Variants in COL2A1 observed in about 807,000 individuals in gnomAD.
COL2A1 encodes collagen type II alpha 1 chain, also known as collagen alpha-1(II) chain.
Under a neutral mutation model 204.5 loss-of-function variants are expected in COL2A1, and 28 were observed. The ratio of observed to expected loss-of-function variants is 0.14; its 90% CI spans 0.10 to 0.19. COL2A1 has a LOEUF of 0.19. COL2A1 is among the 10% of genes least tolerant of loss of function. The pLI, the probability that COL2A1 is intolerant of heterozygous loss-of-function variation, is 1.00. For missense variants in COL2A1, 1,388 were observed against 2,027.5 expected, an observed-to-expected ratio of 0.68 and a Z score of 6.06; for synonymous variants, 708 against 718.7, an observed-to-expected ratio of 0.99 and a Z score of 0.24.
Position 47,976,195 on chromosome 12 carries a change from A to G in COL2A1, c.3490-125T>C. The G allele has an allele frequency of 1.3e-6, 1 of 779,100 alleles. No homozygotes were observed. Among genetic ancestry groups the G allele is most frequent in the Non-Finnish European group, 2.3e-6 (1 of 432,234 alleles). The allele number at this position is 779,100 out of a possible 1,614,324, so 48.3% of individuals were successfully genotyped here. A position where few individuals can be genotyped will look rare whatever the true frequency, so the allele number is the denominator to read the frequency against. ...TCCGCCCCCAGTTCTTCACATGCTC[A>G]GTCATGGAACCCTAAGTTGGTCTCT... On this transcript the variant is annotated intron_variant, in intron 49 of 53. Transcript: ENST00000380518. This position sits in a 1 kb window ranked among gnomAD's most constrained non-coding sequence, Gnocchi z 4.3.
chr12:47,986,536 CTG>C, intron 22 of COL2A1, 93 bp from the exon 23 acceptor site: 1 of 766,958 alleles, frequency 1.3e-6, no homozygotes, highest in Non-Finnish European at 2.2e-6. Flanking sequence ...GCCTTGGCAA[CTG>C]TTTCAGGGCT....
Position 47,976,750 on chromosome 12 carries a change from G to A in COL2A1, c.3435+62C>T. On this transcript the variant is annotated intron_variant, in intron 48 of 53. Transcript: ENST00000380518. This position sits in a 1 kb window ranked among gnomAD's most constrained non-coding sequence, Gnocchi z 4.3. ...CCAAGCTGTCCTGGCAGCACAGGGAGCTCAAGTGGGCTCTGTGTGGCAGGA... is the reference window on the plus strand; with the variant it reads ...CCAAGCTGTCCTGGCAGCACAGGGAACTCAAGTGGGCTCTGTGTGGCAGGA... 1 of 1,491,944 alleles carries A rather than the reference G, an allele frequency of 6.7e-7. No individual in the cohort carries two copies. The highest frequency in any genetic ancestry group is 2.3e-5 in the East Asian group (1 of 43,226). The allele number at this position is 1,491,944 out of a possible 1,614,324, so 92.4% of individuals were successfully genotyped here. A position where few individuals can be genotyped will look rare whatever the true frequency, so the allele number is the denominator to read the frequency against.
At chr12:47,989,170 G>T (rs772526440) in intron 18 of COL2A1, 58 bp downstream of exon 18, 10 of 1,447,662 alleles carry the variant, frequency 6.9e-6, no homozygotes, top group East Asian at 2.3e-5. Flanking sequence ...CAAGGGTTAC[G>T]GGGAAAGGAC....
Position 47,980,541 on chromosome 12 carries a change from C to T in COL2A1, c.2625+13G>A, listed in dbSNP as rs757966388. The T allele has an allele frequency of 2.1e-5, 33 of 1,589,066 alleles. No individual in the cohort carries two copies. Among genetic ancestry groups the T allele is most frequent in the Non-Finnish European group, 2.8e-5 (33 of 1,165,736 alleles). ...CCTTGAGGGAACAATTCTTGGAGTG[C>T]AGCGTTACCCACCTGAGGCCCAGGT... On this transcript the variant is annotated intron_variant, in intron 39 of 53. Coordinates refer to ENST00000380518, the MANE Select transcript of COL2A1 (RefSeq NM_001844.5). The surrounding 1 kb of genome is among the most constrained non-coding windows in gnomAD (Gnocchi z 4.5).
In COL2A1 at chr12:47,998,205, A is replaced by G; in HGVS notation, c.310-4T>C. ...CTCCAGGTTCTCCTTTCTGTCCCTGAAACATGAAACATTCACAGGATTAAG... is the reference window on the plus strand; with the variant it reads ...CTCCAGGTTCTCCTTTCTGTCCCTGGAACATGAAACATTCACAGGATTAAG... On this transcript the variant is annotated splice_region_variant and splice_polypyrimidine_tract_variant and intron_variant, in intron 3 of 53. Transcript: ENST00000380518. The G allele has an allele frequency of 1.2e-6, 2 of 1,614,138 alleles. No homozygotes were observed. The highest frequency in any genetic ancestry group is 1.7e-6 in the Non-Finnish European group (2 of 1,180,018).
At chr12:47,992,721 A>G (rs926229183) in intron 16 of COL2A1, among the ~76,000 whole-genome samples, 157 bp downstream of exon 16, 58 of 152,310 alleles carry the variant, frequency 3.8e-4, no homozygotes, top group African/African-American at 1.3e-3. Context: ...GTGCAGACTC[A>G]GCCTGGGAAG....
At chr12:47,997,765 G>A (rs1022015748) in intron 6 of COL2A1, 58 bp from the exon 7 acceptor site, 4 of 1,612,782 alleles carry the variant, frequency 2.5e-6, no homozygotes, top group African/African-American at 1.3e-5. Flanking sequence ...AGAGCCATCT[G>A]TCCCTTGGCT....
intron 41 of COL2A1, among the ~76,000 whole-genome samples, chr12:47,979,136 G>A (rs1197044541): frequency 6.6e-6 from 1 of 152,094 alleles, no homozygotes; most frequent in Non-Finnish European, 1.5e-5. Flanking sequence ...GGTGAACCCA[G>A]TGAGTTCATC....
chr12:48,003,819 C>A (rs1018771366), intron 1 of COL2A1, among the ~76,000 whole-genome samples: 1 of 152,224 alleles, frequency 6.6e-6, no homozygotes, highest in Admixed American at 6.5e-5. Flanking sequence ...CTCTCTCTTT[C>A]CTACTTCACC....
At chr12:47,999,823 C>T (rs1298705535) in intron 2 of COL2A1, 96 bp downstream of exon 2, 2 of 1,112,284 alleles carry the variant, frequency 1.8e-6, no homozygotes, top group Non-Finnish European at 2.7e-6. Flanking sequence ...TAACTAGCCC[C>T]TCTGCTTTGC....
chr12:48,004,393 C>G lies in COL2A1; in HGVS notation c.-72G>C, dbSNP rs1014038869. On this transcript the variant is annotated 5_prime_UTR_variant, in exon 1 of 54. Coordinates refer to ENST00000380518, the MANE Select transcript of COL2A1 (RefSeq NM_001844.5). ...GAAACGGCAGGAGCACGGCGCGGGT[C>G]CGGGTCTCTACCGCGCCCTCATGCA... 3 of 924,986 alleles carry G rather than the reference C, an allele frequency of 3.2e-6. No individual in the cohort carries two copies. Among genetic ancestry groups the G allele is most frequent in the Non-Finnish European group, 5.1e-6 (3 of 590,224 alleles). The allele number at this position is 924,986 out of a possible 1,614,324, so 57.3% of individuals were successfully genotyped here. A position where few individuals can be genotyped will look rare whatever the true frequency, so the allele number is the denominator to read the frequency against.
chr12:47,992,929 A>G lies in COL2A1; in HGVS notation c.972T>C (p.Gly324=), dbSNP rs2136605039. 1.2e-6 allele frequency: 2 copies of G among 1,614,136 alleles called. No homozygotes were observed. Among genetic ancestry groups the G allele is most frequent in the Non-Finnish European group, 1.7e-6 (2 of 1,180,028 alleles). ...CTCTTTCACCAGGCAGGCCACGAGG[A>G]CCCTGGAACACACACCAGGACAGCC... ...PGENGSPGPM[G]PRGLPGERGR... Residue 324 remains glycine, a splice_region_variant and synonymous_variant, in exon 16 of 54, where the codon GGT becomes GGC. Transcript: ENST00000380518.
intron 30 of COL2A1, 68 bp from the exon 31 acceptor site, chr12:47,983,506 G>A: frequency 6.5e-7 from 1 of 1,536,582 alleles, no homozygotes; most frequent in Non-Finnish European, 9.0e-7. Flanking sequence ...GGGAGGCACA[G>A]TATAGGGCAG....
intron 16 of COL2A1, among the ~76,000 whole-genome samples, chr12:47,990,408 CTG>C (rs1279106678): frequency 6.6e-6 from 1 of 152,220 alleles, no homozygotes; most frequent in Non-Finnish European, 1.5e-5. Context: ...CATTTAAAGA[CTG>C]AGAGAATTGA....
rs749114983 is a variant in COL2A1 at position 47,975,275 on chromosome 12, T to C, written c.3886+42A>G. On this transcript the variant is annotated intron_variant, in intron 51 of 53. Transcript: ENST00000380518. ...CTTGCTGCTAGGCCTAAGGGATGAC[T>C]CCCTGCTTCCCGGGGCAGGGGATCC... 14 of 1,610,694 alleles carry C rather than the reference T, an allele frequency of 8.7e-6. 1 individual carries two copies. The South Asian group carries it at 1.4e-4, about 17-fold the overall frequency.
In COL2A1 at chr12:47,976,616, A is replaced by G. The variant is rs775167903; in HGVS notation, c.3436-49T>C. The G allele has an allele frequency of 5.0e-6, 8 of 1,588,358 alleles. No individual in the cohort carries two copies. Among genetic ancestry groups the G allele is most frequent in the Non-Finnish European group, 6.9e-6 (8 of 1,156,860 alleles). On this transcript the variant is annotated intron_variant, in intron 48 of 53. Transcript: ENST00000380518. This position sits in a 1 kb window ranked among gnomAD's most constrained non-coding sequence, Gnocchi z 4.3. ...GGCCACGGTCAGCACAGACATATCT[A>G]TCTATATTCTGGGAGCTGGGGGAAC...
At position 47,987,247 on chromosome 12, in the gene COL2A1, A is replaced by C. The variant is rs770247419; in HGVS notation, c.1266+22T>G. 1 of 1,613,888 alleles carries C rather than the reference A, an allele frequency of 6.2e-7. No homozygotes were observed. Among genetic ancestry groups the C allele is most frequent in the African/African-American group, 1.3e-5 (1 of 74,868 alleles). ...CAGGACTGGGCTCTCCTGGGGTAGC[A>C]AAGTCCACGGGCAACACTCACAGCA... On this transcript the variant is annotated intron_variant, in intron 20 of 53. Transcript: ENST00000380518. The surrounding 1 kb of genome is among the most constrained non-coding windows in gnomAD (Gnocchi z 4.1).
At chr12:47,979,702 G>C in intron 40 of COL2A1, 138 bp from the exon 41 acceptor site, 1 of 841,328 alleles carries the variant, frequency 1.2e-6, no homozygotes, top group Non-Finnish European at 2.0e-6. Flanking sequence ...GGGATCCAGG[G>C]AGGGAGAAAG....
At position 47,976,878 on chromosome 12, in the gene COL2A1, C is replaced by T; in HGVS notation, c.3369G>A (p.Glu1123=). The change falls in exon 48 of 54, where the codon GAG becomes GAA. Residue 1123 remains glutamate, a synonymous_variant. Transcript: ENST00000380518. This position sits in a 1 kb window ranked among gnomAD's most constrained non-coding sequence, Gnocchi z 4.3. The stretch of plus-strand genomic sequence containing the variant: ...GTCCCTTCAGGCCTCTCTCGCCAGG[C>T]TCTCCAGCCTCTCCTTTGTCACCTC... ...GPRGDKGEAG[E]PGERGLKGHR... The T allele has an allele frequency of 6.2e-7, 1 of 1,611,040 alleles. No homozygotes were observed. Among genetic ancestry groups the T allele is most frequent in the South Asian group, 1.1e-5 (1 of 90,332 alleles).
Sources: gnomAD v4.1 joint callset for allele counts (sites outside exome capture counted in the v4.1 genomes callset) on GRCh38, gnomAD v4.1.1 for gene constraint, Gnocchi (gnomAD v3.1) non-coding constraint, MANE v1.5 for transcripts, NCBI Gene and HGNC (gene_info 2026-07-23, HGNC 2026-07-21) for gene names.